Variants in CRYBG1 observed in about 807,000 individuals in gnomAD.
CRYBG1 encodes crystallin beta-gamma domain containing 1, also known as beta/gamma crystallin domain-containing protein 1.
Under a neutral mutation model 189.2 loss-of-function variants are expected in CRYBG1, and 139 were observed. The observed-to-expected ratio is 0.73, with a 90% confidence interval of 0.64 to 0.85. The LOEUF (loss-of-function observed/expected upper bound fraction) is 0.85, where lower values mean the gene tolerates loss of function less well. CRYBG1 is among the 40% of genes least tolerant of loss of function. The probability of loss-of-function intolerance (pLI) is 0.00; values close to 1 mark genes in which losing one functional copy is unlikely to be tolerated. For missense variants in CRYBG1, 2,611 were observed against 2,675.8 expected (o/e 0.98, Z 0.53); for synonymous variants, 1,023 against 1,017.1 (o/e 1.01, Z -0.11).
chr6:106,502,866 C>T (rs1027832718), intron 2 of CRYBG1, among the ~76,000 whole-genome samples: 1 of 152,224 alleles, frequency 6.6e-6, no homozygotes, highest in Non-Finnish European at 1.5e-5. Flanking sequence ...ATGGCCTCTT[C>T]CAAGGCCCTC....
chr6:106,440,349 C>T (rs1239850709), intron 1 of CRYBG1, among the ~76,000 whole-genome samples: 1 of 151,966 alleles, frequency 6.6e-6, no homozygotes, highest in Non-Finnish European at 1.5e-5. Context: ...ACTGCAACCT[C>T]CACCTCCTGG....
intron 13 of CRYBG1, 47 bp downstream of exon 13, chr6:106,544,980 G>A: frequency 6.5e-7 from 1 of 1,538,856 alleles, no homozygotes; most frequent in Non-Finnish European, 8.8e-7. Flanking sequence ...GTTTTACCTT[G>A]GTTTGTTTTA....
chr6:106,512,200 C>T lies in CRYBG1; in HGVS notation c.1083C>T (p.Asp361=), dbSNP rs1253941469. 4 of 1,535,848 alleles carry T rather than the reference C, an allele frequency of 2.6e-6. No individual in the cohort carries two copies. In the Admixed American group the frequency reaches 5.9e-5, roughly 23 times the overall value. Residue 361 remains aspartate, a synonymous_variant, in exon 3 of 22, where the codon GAC becomes GAT. Transcript: ENST00000633556. ...AAHTASSAQA[D]CTARPKGHAH... is the part of the protein sequence containing the mutation. Reference sequence around the variant, plus strand: ...ACACGGCCAGCTCCGCGCAGGCAGACTGCACAGCCCGCCCCAAGGGTCACG... The same window carrying T: ...ACACGGCCAGCTCCGCGCAGGCAGATTGCACAGCCCGCCCCAAGGGTCACG...
At chr6:106,493,642 C>T (rs1162710710) in intron 2 of CRYBG1, among the ~76,000 whole-genome samples, 4 of 152,112 alleles carry the variant, frequency 2.6e-5, no homozygotes, top group Admixed American at 6.5e-5. Context: ...ATAAAAGGAA[C>T]GAGATCATGT....
chr6:106,532,700 T>C (rs1773905272), intron 8 of CRYBG1, among the ~76,000 whole-genome samples: 4 of 152,250 alleles, frequency 2.6e-5, no homozygotes, highest in Admixed American at 2.0e-4. Context: ...GCCATTTGTA[T>C]ATCTTCTTTA....
chr6:106,406,618 T>C (rs111489769), intron 1 of CRYBG1, among the ~76,000 whole-genome samples: 5 of 151,978 alleles, frequency 3.3e-5, no homozygotes, highest in African/African-American at 1.2e-4. Context: ...AAGGAAAAAA[T>C]GTTAAGGGCA....
rs1417779199 is a variant in CRYBG1 at position 106,422,779 on chromosome 6, G to T, written c.174-28915G>T. On this transcript the variant is annotated intron_variant, in intron 1 of 21. Coordinates refer to ENST00000633556, the MANE Select transcript of CRYBG1 (RefSeq NM_001371242.2). ...TGAAAGATGGTTCCTGCCCTTAAGGGGTTCTTTTCAAGTAATGGGGACTGA... is the reference window on the plus strand; with the variant it reads ...TGAAAGATGGTTCCTGCCCTTAAGGTGTTCTTTTCAAGTAATGGGGACTGA... Among the ~76,000 whole-genome samples the T allele has an allele frequency of 4.6e-5, 7 of 152,166 alleles. No individual in the cohort carries two copies. The South Asian group carries it at 1.0e-3, about 22-fold the overall frequency.
intron 1 of CRYBG1, among the ~76,000 whole-genome samples, chr6:106,415,560 C>CA (rs11379902): frequency 0.15 from 21,201 of 144,798 alleles, 1,681 homozygotes; most frequent in African/African-American, 0.21. Context: ...CCCGTCTCTA[C>CA]AAAAAAAAAA....
chr6:106,520,374 A>G lies in CRYBG1; in HGVS notation c.3166A>G (p.Ser1056Gly), dbSNP rs771473917. 2 of 1,614,124 alleles carry G rather than the reference A, an allele frequency of 1.2e-6. No individual in the cohort carries two copies. Among genetic ancestry groups the G allele is most frequent in the East Asian group, 2.2e-5 (1 of 44,890 alleles). Residue 1056 changes from serine to glycine, a missense_variant, in exon 4 of 22, where the codon AGT (serine) becomes GGT (glycine). Ser to Gly is a moderately conservative substitution (Grantham distance 56, BLOSUM62 0). Around this residue, in one of 3 missense-constraint regions of CRYBG1, gnomAD observed 1,622 missense variants for 1,735.0 expected, o/e 0.93. Coordinates refer to ENST00000633556, the MANE Select transcript of CRYBG1 (RefSeq NM_001371242.2). ...CAGAACACCCCTGATGGCTGAATCC[A>G]GTCCCACCAACTCTCCCAGCAGCGG... ...GSRTPLMAES[S>G]PTNSPSSGNH...
intron 6 of CRYBG1, among the ~76,000 whole-genome samples, chr6:106,526,038 G>A (rs1333618359): frequency 6.6e-6 from 1 of 152,152 alleles, no homozygotes; most frequent in African/African-American, 2.4e-5. Flanking sequence ...GCCTCTTGGA[G>A]ATACACAGGA....
At chr6:106,529,343 T>A (rs897529322) in intron 7 of CRYBG1, among the ~76,000 whole-genome samples, 3 of 152,246 alleles carry the variant, frequency 2.0e-5, no homozygotes, top group Admixed American at 6.5e-5. Flanking sequence ...CAGTGTGTCA[T>A]GGATTATATT....
chr6:106,484,062 A>G (rs188930326), intron 2 of CRYBG1, among the ~76,000 whole-genome samples: 7 of 152,272 alleles, frequency 4.6e-5, no homozygotes, highest in African/African-American at 1.7e-4. Flanking sequence ...ATTTTTCTGT[A>G]TGTGGCTGTT....
At chr6:106,490,494 G>A (rs568930837) in intron 2 of CRYBG1, among the ~76,000 whole-genome samples, 1 of 152,324 alleles carries the variant, frequency 6.6e-6, no homozygotes, top group South Asian at 2.1e-4. Context: ...ACACTCAGAA[G>A]ATTTGTAGGG....
intron 1 of CRYBG1, among the ~76,000 whole-genome samples, chr6:106,365,730 A>G (rs1049683731): frequency 6.7e-6 from 1 of 149,234 alleles, no homozygotes; most frequent in Non-Finnish European, 1.5e-5. Context: ...ATTGAACTGA[A>G]TTGAACTCCA....
At chr6:106,496,497 GA>G (rs1772854081) in intron 2 of CRYBG1, among the ~76,000 whole-genome samples, 1 of 149,404 alleles carries the variant, frequency 6.7e-6, no homozygotes. Context: ...AACCTTTTTT[GA>G]AACAATTTGC....
rs1282337531 is a variant in CRYBG1 at position 106,511,421 on chromosome 6, A to G, written c.313-9A>G. 6.5e-7 allele frequency: 1 copy of G among 1,528,888 alleles called. No individual in the cohort carries two copies. 94.7% of individuals were successfully genotyped at this position (1,528,888 alleles called of 1,614,324 possible). On this transcript the variant is annotated splice_polypyrimidine_tract_variant and intron_variant, in intron 2 of 21. Coordinates refer to ENST00000633556, the MANE Select transcript of CRYBG1 (RefSeq NM_001371242.2). ...CATATGTTCCCTCCTCATCCCTTTT[A>G]TTTTTCAGTCCAGAGCACAACCTCC... is the stretch of plus-strand genomic sequence containing the variant.
chr6:106,471,743 C>G (rs1342483848), intron 2 of CRYBG1, among the ~76,000 whole-genome samples: 4 of 148,244 alleles, frequency 2.7e-5, no homozygotes, highest in African/African-American at 1.1e-4. Flanking sequence ...CCACCCCTAC[C>G]CCCCAGCCCC....
intron 15 of CRYBG1, among the ~76,000 whole-genome samples, chr6:106,552,990 G>A (rs944471343): frequency 6.6e-6 from 1 of 152,180 alleles, no homozygotes; most frequent in Non-Finnish European, 1.5e-5. Context: ...TGTTCACAGA[G>A]CCATAATTAT....
chr6:106,475,863 T>G (rs1772323687), intron 2 of CRYBG1, among the ~76,000 whole-genome samples: 1 of 152,174 alleles, frequency 6.6e-6, no homozygotes, highest in African/African-American at 2.4e-5. Context: ...GATCTGACAT[T>G]TTAAAGAGAT....
Sources: allele counts gnomAD v4.1 joint callset (sites outside exome capture counted in the v4.1 genomes callset), GRCh38; gene constraint gnomAD v4.1.1; regional missense constraint gnomAD v4.1.1; transcripts MANE v1.5; gene names NCBI Gene and HGNC (gene_info 2026-07-23, HGNC 2026-07-21).